The following IL17B variants were observed in gnomAD, a reference collection of about 807,000 sequenced individuals.
IL17B encodes interleukin-17B.
Under a neutral mutation model 14.7 loss-of-function variants are expected in IL17B, and 14 were observed. That is an observed-to-expected ratio of 0.95 (90% CI 0.63 to 1.49). The LOEUF is 1.49. Ranked by LOEUF, IL17B falls within the 40% of genes most tolerant of loss-of-function variation. The probability of loss-of-function intolerance (pLI) is 0.00; values close to 1 mark genes in which losing one functional copy is unlikely to be tolerated. For synonymous variants in IL17B, 105 were observed against 94.8 expected, an observed-to-expected ratio of 1.11 and a Z score of -0.62; for missense variants, 233 against 252.8, an observed-to-expected ratio of 0.92 and a Z score of 0.53.
chr5:149,374,806 A>T lies in IL17B; in HGVS notation c.312-206T>A, dbSNP rs770594038. On this transcript the variant is annotated intron_variant, in intron 2 of 2. Transcript: ENST00000261796. This position sits in a 1 kb window ranked among gnomAD's most constrained non-coding sequence, Gnocchi z 5.0. ...AAGGCAAGTCGAGAGCCCCAAGGTT[A>T]TCCAGCTTCAAGGTCACCAGTCACC... 2.0e-5 allele frequency: 11 copies of T among 537,486 alleles called. No homozygotes were observed. Among genetic ancestry groups the T allele is most frequent in the Non-Finnish European group, 3.3e-5 (10 of 301,702 alleles). 33.3% of individuals were successfully genotyped at this position (537,486 alleles called of 1,614,324 possible).
upstream of IL17B, among the ~76,000 whole-genome samples, chr5:149,381,082 C>T (rs942357198): frequency 2.6e-5 from 4 of 152,202 alleles, no homozygotes; most frequent in East Asian, 1.9e-4. Context: ...CAGTGGGGTC[C>T]CACAGACATG....
chr5:149,376,665 CATT>C, intron 2 of IL17B, 68 bp downstream of exon 2: 1 of 1,524,744 alleles, frequency 6.6e-7, no homozygotes, highest in South Asian at 1.3e-5. Flanking sequence ...AGATCTTAAC[CATT>C]ACAATGACTG....
chr5:149,394,677 C>T (rs1759055674), intron 1 of IL17B, among the ~76,000 whole-genome samples: 1 of 152,164 alleles, frequency 6.6e-6, no homozygotes, highest in Non-Finnish European at 1.5e-5. Context: ...AAGAGCTGGC[C>T]AACTTTCACA....
At chr5:149,387,649 C>T (rs1195221320) in intron 1 of IL17B, among the ~76,000 whole-genome samples, 3 of 150,246 alleles carry the variant, frequency 2.0e-5, no homozygotes, top group African/African-American at 7.4e-5. Context: ...TGGCATGCAT[C>T]TGTAGTCCCA....
intron 1 of IL17B, among the ~76,000 whole-genome samples, chr5:149,378,138 C>CA (rs1467409153): frequency 6.6e-6 from 1 of 151,904 alleles, no homozygotes; most frequent in South Asian, 2.1e-4. Flanking sequence ...AGCGAGACTC[C>CA]TCTCAAAAAA....
upstream of IL17B, among the ~76,000 whole-genome samples, chr5:149,382,281 G>A (rs1758718742): frequency 6.6e-6 from 1 of 152,106 alleles, no homozygotes; most frequent in African/African-American, 2.4e-5. Context: ...GACACAGGCG[G>A]TGTCGGGGTC....
intron 1 of IL17B, among the ~76,000 whole-genome samples, chr5:149,394,411 C>T (rs1759050463): frequency 6.6e-6 from 1 of 152,164 alleles, no homozygotes; most frequent in South Asian, 2.1e-4. Context: ...TTTTATCTTT[C>T]ACAAATGCAC....
intron 1 of IL17B, among the ~76,000 whole-genome samples, chr5:149,400,713 A>C (rs1278057617): frequency 6.6e-6 from 1 of 152,226 alleles, no homozygotes; most frequent in South Asian, 2.1e-4. Flanking sequence ...AAAGGCCAGC[A>C]AGTCCCACGT....
Position 149,396,807 on chromosome 5 carries a change from G to T in IL17B, n.95+7301C>A, listed in dbSNP as rs546122552. Among the ~76,000 whole-genome samples, 22 of 152,292 alleles carry T rather than the reference G, an allele frequency of 1.4e-4. No homozygotes were observed. In the South Asian group the frequency reaches 4.6e-3, roughly 32 times the overall value. On this transcript the variant is annotated intron_variant and non_coding_transcript_variant, in intron 1 of 2. Coordinates refer to the IL17B transcript ENST00000505432. ...GTAAGAATAGTTCACCATGTAATGTGTTTTGTAACACTGGAGGAAAAGACA... is the reference window on the plus strand; with the variant it reads ...GTAAGAATAGTTCACCATGTAATGTTTTTTGTAACACTGGAGGAAAAGACA...
At chr5:149,381,997 C>T (rs960061990), upstream of IL17B, among the ~76,000 whole-genome samples, 10 of 152,072 alleles carry the variant, frequency 6.6e-5, no homozygotes, top group Non-Finnish European at 8.8e-5. Flanking sequence ...AGTGGGTGGC[C>T]GCGGTCTCGC....
chr5:149,394,933 G>C (rs1004347064), intron 1 of IL17B, among the ~76,000 whole-genome samples: 1 of 151,926 alleles, frequency 6.6e-6, no homozygotes, highest in African/African-American at 2.4e-5. Flanking sequence ...GGTAAATTTT[G>C]TGTCACAAGG....
At chr5:149,380,595 C>T (rs374256790), upstream of IL17B, among the ~76,000 whole-genome samples, 83 of 152,182 alleles carry the variant, frequency 5.5e-4, no homozygotes, top group African/African-American at 1.9e-3. Context: ...GCCAATGTCT[C>T]TCACCTCAGG....
rs532622541 is a variant in IL17B, at chr5:149,397,654, C to T, written n.95+6454G>A. Among the ~76,000 whole-genome samples the T allele has an allele frequency of 6.6e-5, 10 of 152,216 alleles. No individual in the cohort carries two copies. In the South Asian group the frequency reaches 1.9e-3, roughly 28 times the overall value. Reference sequence around the variant, plus strand: ...CAGCGTTCTCTAGAGAGATAGAACCCGTTGGATGCGCATGTAGATATATGA... The same window carrying T: ...CAGCGTTCTCTAGAGAGATAGAACCTGTTGGATGCGCATGTAGATATATGA... On this transcript the variant is annotated intron_variant and non_coding_transcript_variant, in intron 1 of 2. Coordinates refer to the IL17B transcript ENST00000505432.
At chr5:149,395,431 T>C (rs1306430572) in intron 1 of IL17B, among the ~76,000 whole-genome samples, 1 of 152,208 alleles carries the variant, frequency 6.6e-6, no homozygotes, top group Non-Finnish European at 1.5e-5. Flanking sequence ...CGGAAATTCA[T>C]TCCACACCCA....
intron 1 of IL17B, among the ~76,000 whole-genome samples, chr5:149,403,856 A>G (rs1759261277): frequency 6.6e-6 from 1 of 152,176 alleles, no homozygotes; most frequent in Non-Finnish European, 1.5e-5. Flanking sequence ...AGTATTTCCC[A>G]TGTGGATCTA....
At chr5:149,394,793 T>C (rs1759058093) in intron 1 of IL17B, among the ~76,000 whole-genome samples, 1 of 152,224 alleles carries the variant, frequency 6.6e-6, no homozygotes, top group African/African-American at 2.4e-5. Flanking sequence ...ATTTCCTATG[T>C]GGCACTGCTC....
chr5:149,383,554 C>A (rs573702543), upstream of IL17B, among the ~76,000 whole-genome samples: 1 of 152,176 alleles, frequency 6.6e-6, no homozygotes, highest in Non-Finnish European at 1.5e-5. Context: ...ATGCTGCCCT[C>A]CCCTCCCTCC....
intron 1 of IL17B, among the ~76,000 whole-genome samples, chr5:149,399,333 C>T (rs1759163526): frequency 6.6e-6 from 1 of 152,176 alleles, no homozygotes; most frequent in Admixed American, 6.5e-5. Context: ...AGCTTGGCCT[C>T]CTGGTTCAGT....
upstream of IL17B, among the ~76,000 whole-genome samples, chr5:149,383,423 T>C (rs539627617): frequency 6.6e-6 from 1 of 152,218 alleles, no homozygotes; most frequent in East Asian, 1.9e-4. Context: ...AAGGATTTGG[T>C]CTAAGAACTT....
Sources: gnomAD v4.1 joint callset for allele counts (sites outside exome capture counted in the v4.1 genomes callset) on GRCh38, gnomAD v4.1.1 for gene constraint, Gnocchi (gnomAD v3.1) non-coding constraint, MANE v1.5 for transcripts, NCBI Gene and HGNC (gene_info 2026-07-23, HGNC 2026-07-21) for gene names.